ARHGAP24: variants seen among roughly 807,000 people sequenced by gnomAD.
ARHGAP24 encodes Rho GTPase activating protein 24.
ARHGAP24 carries 50 observed loss-of-function variants against 76.4 expected under a neutral mutation model. The ratio of observed to expected loss-of-function variants is 0.65; its 90% CI spans 0.52 to 0.83. ARHGAP24 has a LOEUF of 0.83. Among genes scored for constraint, ARHGAP24 ranks in the 40% least tolerant of loss-of-function variants. The pLI, the probability that ARHGAP24 is intolerant of heterozygous loss-of-function variation, is 0.00. For missense variants in ARHGAP24, 930 were observed against 914.2 expected, an observed-to-expected ratio of 1.02 and a Z score of -0.22; for synonymous variants, 345 against 323.3, an observed-to-expected ratio of 1.07 and a Z score of -0.72.
intron 8 of ARHGAP24, chr4:85,989,980 T>C (rs1740227498): frequency 6.6e-6 from 1 of 151,664 alleles, no homozygotes; most frequent in Admixed American, 6.6e-5. Flanking sequence ...ATAAAAGGTA[T>C]AAAATTGGAA....
chr4:85,985,459 C>G (rs1295370781), intron 8 of ARHGAP24, among the ~76,000 whole-genome samples: 1 of 152,048 alleles, frequency 6.6e-6, no homozygotes, highest in Non-Finnish European at 1.5e-5. Flanking sequence ...GGAAGGGGAA[C>G]AACACACACT....
At chr4:85,545,393 C>T (rs1475555186) in intron 1 of ARHGAP24, among the ~76,000 whole-genome samples, 1 of 152,188 alleles carries the variant, frequency 6.6e-6, no homozygotes, top group Non-Finnish European at 1.5e-5. Flanking sequence ...AGCCACCACA[C>T]CTGGCCCAGT....
At chr4:85,810,276 T>G (rs1051540004) in intron 3 of ARHGAP24, among the ~76,000 whole-genome samples, 1 of 152,218 alleles carries the variant, frequency 6.6e-6, no homozygotes, top group African/African-American at 2.4e-5. Flanking sequence ...ATGATTCTAT[T>G]TCTTCACATG....
intron 3 of ARHGAP24, among the ~76,000 whole-genome samples, chr4:85,811,725 A>G (rs964320886): frequency 1.3e-5 from 2 of 152,244 alleles, no homozygotes; most frequent in African/African-American, 4.8e-5. Context: ...TAAGTTCACA[A>G]TCATCAGGAA....
intron 3 of ARHGAP24, among the ~76,000 whole-genome samples, chr4:85,736,763 T>C (rs963324077): frequency 7.9e-5 from 12 of 152,170 alleles, no homozygotes; most frequent in African/African-American, 2.9e-4. Context: ...TCTTGTGGCA[T>C]CCACTTCCTC....
intron 2 of ARHGAP24, among the ~76,000 whole-genome samples, chr4:85,605,868 G>T (rs973949581): frequency 4.6e-5 from 7 of 152,160 alleles, no homozygotes; most frequent in African/African-American, 1.7e-4. Context: ...GTCTGAAAAG[G>T]TTACAGGGAA....
intron 3 of ARHGAP24, among the ~76,000 whole-genome samples, chr4:85,857,451 T>G (rs1055460208): frequency 5.3e-5 from 8 of 152,224 alleles, no homozygotes; most frequent in African/African-American, 2.4e-5. Context: ...GATAGTTTAT[T>G]AAGAAAGTGT....
intron 2 of ARHGAP24, among the ~76,000 whole-genome samples, chr4:85,631,566 CA>C (rs1476149040): frequency 6.6e-6 from 1 of 152,064 alleles, no homozygotes; most frequent in Admixed American, 6.6e-5. Context: ...ATAAGACTTA[CA>C]AAAAATTATA....
At chr4:85,956,487 T>C (rs1004654526) in intron 5 of ARHGAP24, among the ~76,000 whole-genome samples, 1 of 152,142 alleles carries the variant, frequency 6.6e-6, no homozygotes. Flanking sequence ...ACTTTGAAGA[T>C]GGTGGCAAGC....
At chr4:85,913,107 C>A (rs553651682) in intron 3 of ARHGAP24, among the ~76,000 whole-genome samples, 1 of 152,160 alleles carries the variant, frequency 6.6e-6, no homozygotes, top group East Asian at 1.9e-4. Context: ...TCATTTTAAA[C>A]CTCCTTGTAC....
chr4:85,804,528 A>G (rs1728710714), intron 3 of ARHGAP24, among the ~76,000 whole-genome samples: 1 of 152,230 alleles, frequency 6.6e-6, no homozygotes, highest in Non-Finnish European at 1.5e-5. Flanking sequence ...ACCAAACAGT[A>G]TATAAATGAG....
chr4:85,697,822 C>G (rs1723926023), intron 2 of ARHGAP24, among the ~76,000 whole-genome samples: 1 of 152,016 alleles, frequency 6.6e-6, no homozygotes, highest in Non-Finnish European at 1.5e-5. Flanking sequence ...GGGAGACAGG[C>G]AGGAAAGGGA....
In ARHGAP24 at chr4:85,643,234, GTTTTTTTTTTTTTTTTTTTT is replaced by G. The variant is rs70948741; in HGVS notation, c.180+72529_180+72548del. Among the ~76,000 whole-genome samples, 20 of 54,628 alleles carry G rather than the reference GTTTTTTTTTTTTTTTTTTTT, an allele frequency of 3.7e-4. 1 individual carries two copies. The highest frequency in any genetic ancestry group is 1.1e-3 in the African/African-American group (18 of 16,942). 35.8% of individuals were successfully genotyped at this position (54,628 alleles called of 152,430 possible). A position where few individuals can be genotyped will look rare whatever the true frequency, so the allele number is the denominator to read the frequency against. ...TCTTTTTTATTTTCCGTTTTTTTGT[GTTTTTTTTTTTTTTTTTTTT>G]TTTTTTTTTTTTTTTGAGACGGAGT... is the stretch of plus-strand genomic sequence containing the variant. On this transcript the variant is annotated intron_variant, in intron 2 of 9. Transcript: ENST00000395184.
chr4:85,855,144 G>A (rs1578304389), intron 3 of ARHGAP24, among the ~76,000 whole-genome samples: 1 of 152,300 alleles, frequency 6.6e-6, no homozygotes, highest in Admixed American at 6.5e-5. Context: ...TCATCTAATA[G>A]TCACAATAAC....
intron 3 of ARHGAP24, among the ~76,000 whole-genome samples, chr4:85,785,912 T>C (rs1209695202): frequency 6.6e-6 from 1 of 152,142 alleles, no homozygotes; most frequent in African/African-American, 2.4e-5. Context: ...CATCATTTCT[T>C]ATACCCAGTA....
At chr4:85,986,625 A>C (rs1740017610) in intron 8 of ARHGAP24, among the ~76,000 whole-genome samples, 1 of 152,130 alleles carries the variant, frequency 6.6e-6, no homozygotes, top group Non-Finnish European at 1.5e-5. Context: ...AATTTGGGGG[A>C]GTAGAAAACA....
intron 2 of ARHGAP24, among the ~76,000 whole-genome samples, chr4:85,611,164 T>G (rs1279516344): frequency 1.3e-5 from 2 of 152,196 alleles, no homozygotes; most frequent in South Asian, 2.1e-4. Context: ...TGCAGCTATG[T>G]GCTACTGCTA....
intron 5 of ARHGAP24, among the ~76,000 whole-genome samples, chr4:85,958,439 A>G (rs1029563460): frequency 4.6e-5 from 7 of 152,172 alleles, no homozygotes; most frequent in Admixed American, 4.6e-4. Flanking sequence ...ATATGCTTGA[A>G]TCTATGTGAT....
chr4:85,496,938 A>G (rs1407673732), intron 1 of ARHGAP24, among the ~76,000 whole-genome samples: 1 of 152,232 alleles, frequency 6.6e-6, no homozygotes, highest in Non-Finnish European at 1.5e-5. Context: ...TCATTTTGTG[A>G]TGTTTACAAG....
Sources: allele counts gnomAD v4.1 joint callset (sites outside exome capture counted in the v4.1 genomes callset), GRCh38; gene constraint gnomAD v4.1.1; transcripts MANE v1.5; gene names NCBI Gene and HGNC (gene_info 2026-07-23, HGNC 2026-07-21).